Variants in CCDC110 observed in about 807,000 individuals in gnomAD.
CCDC110 encodes coiled-coil domain-containing protein 110.
Under a neutral mutation model 77.1 loss-of-function variants are expected in CCDC110, and 70 were observed. The ratio of observed to expected loss-of-function variants is 0.91; its 90% confidence interval spans 0.75 to 1.11. The LOEUF is 1.11. Ranked by LOEUF, CCDC110 falls within the 50% of genes least tolerant of loss-of-function variation. The pLI, the probability that CCDC110 is intolerant of heterozygous loss-of-function variation, is 0.00. For synonymous variants in CCDC110, 295 were observed against 312.5 expected (o/e 0.94, Z 0.59); for missense variants, 868 against 942.9 (o/e 0.92, Z 1.04).
Position 185,446,161 on chromosome 4 carries a change from A to G in CCDC110, c.2462-619T>C, listed in dbSNP as rs182904327. 1.2e-4 allele frequency among the ~76,000 whole-genome samples: 18 copies of G among 152,282 alleles called. No individual in the cohort carries two copies. In the East Asian group the frequency reaches 3.5e-3, roughly 29 times the overall value. ...CAGCACAAAGGTGTATTTCTGATTGACTACTTGTTAAGTTCTTTAGAACAA... is the reference window on the plus strand; with the variant it reads ...CAGCACAAAGGTGTATTTCTGATTGGCTACTTGTTAAGTTCTTTAGAACAA... On this transcript the variant is annotated intron_variant, in intron 6 of 6. Coordinates refer to ENST00000307588, the MANE Select transcript of CCDC110 (RefSeq NM_152775.4).
At chr4:185,462,924 A>G in intron 3 of CCDC110, 70 bp downstream of exon 3, 1 of 1,262,302 alleles carries the variant, frequency 7.9e-7, no homozygotes, top group South Asian at 1.2e-5. Flanking sequence ...GCATTTAGGG[A>G]GTATTTATTC....
chr4:185,456,565 G>A (rs1032544247), intron 6 of CCDC110, among the ~76,000 whole-genome samples: 3 of 152,052 alleles, frequency 2.0e-5, no homozygotes, highest in Non-Finnish European at 2.9e-5. Flanking sequence ...ATTAAAGAGG[G>A]GACATCGCTA....
rs55750309 is a variant in CCDC110 at position 185,468,568 on chromosome 4, A to G, written c.115+2377T>C. Among the ~76,000 whole-genome samples, 10,902 of 152,064 alleles carry G rather than the reference A, an allele frequency of 0.072. 919 individuals carry two copies. Among genetic ancestry groups the G allele is most frequent in the African/African-American group, 0.2 (8,444 of 41,440 alleles). On this transcript the variant is annotated intron_variant, in intron 2 of 6. Coordinates refer to ENST00000307588, the MANE Select transcript of CCDC110 (RefSeq NM_152775.4). This position sits in a 1 kb window ranked among gnomAD's most constrained non-coding sequence, Gnocchi z 4.5. ...CATTTACAAGAGCAACCGTTCCTCA[A>G]TCACACCAGCCACGCTCCCACCACA... is the stretch of plus-strand genomic sequence containing the variant.
intron 6 of CCDC110, among the ~76,000 whole-genome samples, chr4:185,456,781 C>T (rs993272312): frequency 6.6e-6 from 1 of 151,810 alleles, no homozygotes; most frequent in African/African-American, 2.4e-5. Context: ...AAATCCAGGC[C>T]CTCTGGTGAA....
In CCDC110 at chr4:185,445,478, G is replaced by T. The variant is rs371320200; in HGVS notation, c.*24C>A. ...TAACATTGGCTATTTCTCGAAGGGA[G>T]TTTCTTAGCAATCTTGAGGAATCCT... On this transcript the variant is annotated 3_prime_UTR_variant, in exon 7 of 7. Coordinates refer to ENST00000307588, the MANE Select transcript of CCDC110 (RefSeq NM_152775.4). The T allele has an allele frequency of 2.3e-5, 36 of 1,536,392 alleles. No homozygotes were observed. The highest frequency in any genetic ancestry group is 2.7e-6 in the Non-Finnish European group (3 of 1,117,674).
In CCDC110 at chr4:185,458,567, C is replaced by T. The variant is rs775270004; in HGVS notation, c.2020G>A (p.Glu674Lys). 2 of 1,608,236 alleles carry T rather than the reference C, an allele frequency of 1.2e-6. No individual in the cohort carries two copies. Among genetic ancestry groups the T allele is most frequent in the Middle Eastern group, 1.7e-4 (1 of 6,056 alleles). ...NIQTYQSTAE[E>K]NFLQEIKNAK... is the part of the protein sequence containing the mutation. Reference sequence around the variant, plus strand: ...TTTTTTATTTCTTGCAGAAAATTCTCTTCGGCAGTAGATTGGTAGGTTTGA... The same window carrying T: ...TTTTTTATTTCTTGCAGAAAATTCTTTTCGGCAGTAGATTGGTAGGTTTGA... The change falls in exon 6 of 7, where the codon GAG becomes AAG. Residue 674 changes from glutamate to lysine, a missense_variant. Physicochemically the swap from Glu to Lys is moderately conservative, Grantham distance 56. Transcript: ENST00000307588.
Position 185,466,912 on chromosome 4 carries a change from AT to A in CCDC110, c.116-3864del, listed in dbSNP as rs147084062. On this transcript the variant is annotated intron_variant, in intron 2 of 6. Transcript: ENST00000307588. ...TGAGATCCAGAGGAAATCACTTTTG[AT>A]TGATCAAGGACAATTCTTCCGTTGA... 1.2e-3 allele frequency among the ~76,000 whole-genome samples: 181 copies of A among 152,300 alleles called. 1 individual carries two copies. Among genetic ancestry groups the A allele is most frequent in the African/African-American group, 4.1e-3 (171 of 41,568 alleles).
chr4:185,457,426 C>T (rs966957849), intron 6 of CCDC110: 2 of 376,880 alleles, frequency 5.3e-6, no homozygotes, highest in Non-Finnish European at 1.0e-5. Flanking sequence ...ATCCTCTTTA[C>T]ACTGCCTGTA....
rs764018836 is a variant in CCDC110 at position 185,445,497 on chromosome 4, G to A, written c.*5C>T. On this transcript the variant is annotated 3_prime_UTR_variant, in exon 7 of 7. Coordinates refer to ENST00000307588, the MANE Select transcript of CCDC110 (RefSeq NM_152775.4). ...AAGGGAGTTTCTTAGCAATCTTGAG[G>A]AATCCTAATGATGCTTGAGAGTTCT... 3.8e-6 allele frequency: 6 copies of A among 1,568,814 alleles called. No homozygotes were observed. Among genetic ancestry groups the A allele is most frequent in the Admixed American group, 1.7e-5 (1 of 57,442 alleles).
At position 185,459,706 on chromosome 4, in the gene CCDC110, A is replaced by G. The variant is rs556023258; in HGVS notation, c.881T>C (p.Ile294Thr). 3 of 1,613,102 alleles carry G rather than the reference A, an allele frequency of 1.9e-6. No homozygotes were observed. Among genetic ancestry groups the G allele is most frequent in the South Asian group, 2.2e-5 (2 of 90,734 alleles). The part of the protein sequence containing the change: ...SPIHQDKMNF[I>T]KEENLDGNLN... The stretch of plus-strand genomic sequence containing the variant: ...GTTACCGTCCAAGTTTTCTTCCTTA[A>G]TAAAGTTCATTTTATCCTGGTGAAT... Residue 294 changes from isoleucine (I) to threonine (T), a missense_variant, in exon 6 of 7, where the codon ATT (isoleucine) becomes ACT (threonine). By Grantham distance (89) the Ile-to-Thr change is moderately conservative. Transcript: ENST00000307588.
rs111738940 is a variant in CCDC110 at position 185,460,238 on chromosome 4, G to C, written c.349C>G (p.Pro117Ala). ...VFGTRIEKDLPTENQEENLSM... is the reference protein window; with the variant it reads ...VFGTRIEKDLATENQEENLSM... ...AGGTTTTCTTCTTGATTCTCTGTAG[G>C]CTGTAACAATAAGAAGTACACTATA... Residue 117 changes from proline (P) to alanine (A), a missense_variant and splice_region_variant, in exon 6 of 7, where the codon CCT (proline) becomes GCT (alanine). Pro to Ala is a conservative substitution (Grantham distance 27). Coordinates refer to ENST00000307588, the MANE Select transcript of CCDC110 (RefSeq NM_152775.4). 3.9e-4 allele frequency: 617 copies of C among 1,590,106 alleles called. 1 individual carries two copies. The African/African-American group carries it at 6.7e-3, about 17-fold the overall frequency.
chr4:185,468,063 C>T lies in CCDC110; in HGVS notation c.115+2882G>A, dbSNP rs912595137. 6.6e-6 allele frequency among the ~76,000 whole-genome samples: 1 copy of T among 152,236 alleles called. No individual in the cohort carries two copies. Among genetic ancestry groups the T allele is most frequent in the African/African-American group, 2.4e-5 (1 of 41,464 alleles). ...GGATTACAGGCGTGAGCCACCATGC[C>T]TGGCCGCAGGTTCTAATACTGAGTT... is the stretch of plus-strand genomic sequence containing the variant. On this transcript the variant is annotated intron_variant, in intron 2 of 6. Coordinates refer to ENST00000307588, the MANE Select transcript of CCDC110 (RefSeq NM_152775.4). The surrounding 1 kb of genome is among the most constrained non-coding windows in gnomAD (Gnocchi z 4.5).
intron 6 of CCDC110, among the ~76,000 whole-genome samples, chr4:185,451,105 C>G (rs2095628477): frequency 6.6e-6 from 1 of 152,052 alleles, no homozygotes; most frequent in African/African-American, 2.4e-5. Flanking sequence ...AAGGGGTTTC[C>G]CTCTCGCTTG....
At chr4:185,452,184 T>G in intron 6 of CCDC110, 1 of 984,904 alleles carries the variant, frequency 1.0e-6, no homozygotes, top group African/African-American at 1.7e-5. Flanking sequence ...TTCCTCAGAC[T>G]CAGCCATGAC....
chr4:185,460,312 T>C (rs767509512), intron 5 of CCDC110, 74 bp from the exon 6 acceptor site: 4 of 1,157,624 alleles, frequency 3.5e-6, no homozygotes, highest in Non-Finnish European at 3.6e-6. Flanking sequence ...TAATATTTTG[T>C]GGAGGGTTTA....
chr4:185,449,136 T>C (rs892696178), intron 6 of CCDC110, among the ~76,000 whole-genome samples: 2 of 152,162 alleles, frequency 1.3e-5, no homozygotes, highest in Non-Finnish European at 2.9e-5. Context: ...AAATGAAGTG[T>C]TTTAAGTTGA....
At position 185,459,709 on chromosome 4, in the gene CCDC110, A is replaced by C. The variant is rs763913059; in HGVS notation, c.878T>G (p.Phe293Cys). The part of the protein sequence containing the change: ...MSPIHQDKMN[F>C]IKEENLDGNL... ...ACCGTCCAAGTTTTCTTCCTTAATAAAGTTCATTTTATCCTGGTGAATAGG... is the reference window on the plus strand; with the variant it reads ...ACCGTCCAAGTTTTCTTCCTTAATACAGTTCATTTTATCCTGGTGAATAGG... The change falls in exon 6 of 7, where the codon TTT becomes TGT. Residue 293 changes from phenylalanine (F) to cysteine (C), a missense_variant. Transcript: ENST00000307588. 1.2e-6 allele frequency: 2 copies of C among 1,613,138 alleles called. No individual in the cohort carries two copies. Among genetic ancestry groups the C allele is most frequent in the East Asian group, 4.5e-5 (2 of 44,842 alleles).
At position 185,459,011 on chromosome 4, in the gene CCDC110, C is replaced by G. The variant is rs147422091; in HGVS notation, c.1576G>C (p.Glu526Gln). The G allele has an allele frequency of 3.8e-6, 6 of 1,595,538 alleles. No individual in the cohort carries two copies. The African/African-American group carries it at 5.4e-5, about 14-fold the overall frequency. ...AAAGAAAGTTGTATATTTTTTTCCT[C>G]TAGAGTTTTATTTTGGCCTTGCAGA... ...NVLQGQNKTLEEKNIQLSLEK... is the reference protein window; with the variant it reads ...NVLQGQNKTLQEKNIQLSLEK... The change falls in exon 6 of 7, where the codon GAG becomes CAG. Residue 526 changes from glutamate to glutamine, a missense_variant. Coordinates refer to ENST00000307588, the MANE Select transcript of CCDC110 (RefSeq NM_152775.4).
chr4:185,468,732 A>G lies in CCDC110; in HGVS notation c.115+2213T>C, dbSNP rs532504274. On this transcript the variant is annotated intron_variant, in intron 2 of 6. Coordinates refer to ENST00000307588, the MANE Select transcript of CCDC110 (RefSeq NM_152775.4). This position sits in a 1 kb window ranked among gnomAD's most constrained non-coding sequence, Gnocchi z 4.5. ...CCCTTCTCCTACCACCCTGTTTAAA[A>G]TGACACACTTCCCACCCACCTCTGC... 6.6e-6 allele frequency among the ~76,000 whole-genome samples: 1 copy of G among 152,192 alleles called. No homozygotes were observed. Among genetic ancestry groups the G allele is most frequent in the South Asian group, 2.1e-4 (1 of 4,824 alleles).
Sources: allele counts gnomAD v4.1 joint callset (sites outside exome capture counted in the v4.1 genomes callset), GRCh38; gene constraint gnomAD v4.1.1; non-coding constraint Gnocchi (gnomAD v3.1); transcripts MANE v1.5; gene names NCBI Gene and HGNC (gene_info 2026-07-23, HGNC 2026-07-21).